Variants in SLC25A31 observed in about 807,000 individuals in gnomAD.
SLC25A31 encodes ADP/ATP translocase 4.
Under a neutral mutation model 36.2 loss-of-function variants are expected in SLC25A31, and 40 were observed. That is an observed-to-expected ratio of 1.10 (90% CI 0.86 to 1.44). The LOEUF (loss-of-function observed/expected upper bound fraction) is 1.44. SLC25A31 is among the 40% of genes most tolerant of loss of function. SLC25A31 has a pLI of 0.00. For missense variants in SLC25A31, 350 were observed against 397.1 expected (o/e 0.88, Z 1.01); for synonymous variants, 143 against 149.7 (o/e 0.96, Z 0.32).
At chr4:127,754,525 T>G (rs775258679) in intron 2 of SLC25A31, among the ~76,000 whole-genome samples, 1 of 114,002 alleles carries the variant, frequency 8.8e-6, no homozygotes, top group African/African-American at 3.1e-5. Flanking sequence ...AGAATAACAT[T>G]TACAATAGCT....
At chr4:127,743,431 T>C (rs1235428058) in intron 1 of SLC25A31, among the ~76,000 whole-genome samples, 1 of 152,236 alleles carries the variant, frequency 6.6e-6, no homozygotes, top group Non-Finnish European at 1.5e-5. Context: ...CCACTGCACC[T>C]AGCCTAGTTT....
At chr4:127,740,231 T>C (rs1017326356) in intron 1 of SLC25A31, among the ~76,000 whole-genome samples, 2 of 152,160 alleles carry the variant, frequency 1.3e-5, no homozygotes, top group Admixed American at 6.5e-5. Flanking sequence ...GTAGGATTTT[T>C]TTTCTTTTTC....
chr4:127,743,127 T>A (rs1731761624), intron 1 of SLC25A31, among the ~76,000 whole-genome samples: 1 of 150,056 alleles, frequency 6.7e-6, no homozygotes, highest in Admixed American at 6.6e-5. Flanking sequence ...TCTTTTTTCT[T>A]TTCTTTTTTT....
intron 2 of SLC25A31, 37 bp from the exon 3 acceptor site, chr4:127,764,206 G>A: frequency 2.0e-6 from 3 of 1,537,646 alleles, no homozygotes; most frequent in Admixed American, 1.7e-5. Context: ...GTTAGATTCT[G>A]TGGTTTAATA....
In SLC25A31 at chr4:127,730,499, G is replaced by A. The variant is rs149482591; in HGVS notation, c.-47G>A. The A allele has an allele frequency of 5.3e-5, 83 of 1,579,710 alleles. No individual in the cohort carries two copies. The African/African-American group carries it at 9.6e-4, about 18-fold the overall frequency. On this transcript the variant is annotated 5_prime_UTR_variant, in exon 1 of 6. Transcript: ENST00000281154. The stretch of plus-strand genomic sequence containing the variant: ...TCCGCTTCCCTTCATCGTAGCTCCC[G>A]TACTCATTTTTAGCCACTGCTGCCG...
intron 1 of SLC25A31, among the ~76,000 whole-genome samples, chr4:127,741,398 T>TA (rs1467455327): frequency 1.3e-5 from 2 of 152,232 alleles, no homozygotes; most frequent in Non-Finnish European, 2.9e-5. Flanking sequence ...ATTGCTTCTA[T>TA]ACCTAATTTG....
chr4:127,747,644 G>C (rs376619696), intron 2 of SLC25A31, among the ~76,000 whole-genome samples: 1 of 152,120 alleles, frequency 6.6e-6, no homozygotes, highest in East Asian at 1.9e-4. Context: ...TTTATTATGA[G>C]GTTTAGATGA....
rs566338397 is a variant in SLC25A31 at position 127,754,079 on chromosome 4, A to G, written c.360+9280A>G. On this transcript the variant is annotated intron_variant, in intron 2 of 5. Transcript: ENST00000281154. ...TAGCAGCATCTGAGTAGATGTCAGA[A>G]AAAGCATTTTACAAAGTTCATTCTT... Among the ~76,000 whole-genome samples, 23 of 152,296 alleles carry G rather than the reference A, an allele frequency of 1.5e-4. No homozygotes were observed. In the South Asian group the frequency reaches 3.9e-3, roughly 26 times the overall value.
intron 2 of SLC25A31, among the ~76,000 whole-genome samples, chr4:127,757,508 G>A (rs1174295687): frequency 6.6e-6 from 1 of 152,134 alleles, no homozygotes; most frequent in Non-Finnish European, 1.5e-5. Flanking sequence ...TGGTGTATAT[G>A]TACCACATTT....
intron 2 of SLC25A31, among the ~76,000 whole-genome samples, chr4:127,752,431 A>C (rs554247497): frequency 3.4e-5 from 5 of 144,942 alleles, no homozygotes; most frequent in Admixed American, 6.8e-5. Flanking sequence ...GGGTAGGGGG[A>C]GGGGGGAGGA....
At chr4:127,766,188 G>C (rs1332767217) in intron 3 of SLC25A31, among the ~76,000 whole-genome samples, 1 of 119,686 alleles carries the variant, frequency 8.4e-6, no homozygotes, top group Non-Finnish European at 1.7e-5. Context: ...TTTTTGTTTT[G>C]AGACAGTCTT....
intron 2 of SLC25A31, among the ~76,000 whole-genome samples, chr4:127,746,190 C>G (rs1398653101): frequency 1.3e-5 from 2 of 152,158 alleles, no homozygotes; most frequent in African/African-American, 4.8e-5. Context: ...ACCACATTTT[C>G]TTTATCCAAT....
At chr4:127,764,725 C>G (rs1485605751) in intron 3 of SLC25A31, among the ~76,000 whole-genome samples, 2 of 152,108 alleles carry the variant, frequency 1.3e-5, no homozygotes, top group East Asian at 3.8e-4. Flanking sequence ...TTGCCTCTAT[C>G]CTTACTTAAA....
In SLC25A31 at chr4:127,744,904, T is replaced by C. The variant is rs1177918761; in HGVS notation, c.360+105T>C. The C allele has an allele frequency of 1.8e-5, 16 of 891,878 alleles. No individual in the cohort carries two copies. The Admixed American group carries it at 5.5e-4, about 31-fold the overall frequency. The allele number at this position is 891,878 out of a possible 1,614,324, so 55.2% of individuals were successfully genotyped here. On this transcript the variant is annotated intron_variant, in intron 2 of 5. Coordinates refer to ENST00000281154, the MANE Select transcript of SLC25A31 (RefSeq NM_031291.4). ...ATATTTCACTATCTCTAAAATTTTC[T>C]TTAAAATGGTTAGATTTGTCTTAAC...
intron 1 of SLC25A31, among the ~76,000 whole-genome samples, chr4:127,738,473 A>C (rs1429731994): frequency 1.3e-5 from 2 of 152,154 alleles, no homozygotes; most frequent in East Asian, 1.9e-4. Flanking sequence ...TGGTCAGAGT[A>C]TGGTTGATAT....
chr4:127,749,355 A>G lies in SLC25A31; in HGVS notation c.360+4556A>G, dbSNP rs539684389. On this transcript the variant is annotated intron_variant, in intron 2 of 5. Transcript: ENST00000281154. ...GGGAAGAAAGCTTATTTTTAAAAAT[A>G]TTGTCTGAAAATTTCCCAAATCTTT... Among the ~76,000 whole-genome samples the G allele has an allele frequency of 3.3e-5, 5 of 152,282 alleles. No homozygotes were observed. In the East Asian group the frequency reaches 7.7e-4, roughly 23 times the overall value.
intron 4 of SLC25A31, among the ~76,000 whole-genome samples, chr4:127,767,993 G>A (rs944894385): frequency 6.6e-6 from 1 of 151,716 alleles, no homozygotes; most frequent in Non-Finnish European, 1.5e-5. Flanking sequence ...TTTGTTTAAA[G>A]ATAAATAGCC....
At chr4:127,742,940 C>A (rs1731757876) in intron 1 of SLC25A31, among the ~76,000 whole-genome samples, 1 of 151,884 alleles carries the variant, frequency 6.6e-6, no homozygotes, top group Admixed American at 6.6e-5. Flanking sequence ...TTTTCATTAT[C>A]TTCCTGTTCA....
intron 1 of SLC25A31, among the ~76,000 whole-genome samples, chr4:127,738,273 T>TAG (rs1731669907): frequency 6.6e-6 from 1 of 152,090 alleles, no homozygotes; most frequent in Non-Finnish European, 1.5e-5. Flanking sequence ...TGTATTTCAG[T>TAG]AGAGATGGGC....
Sources: allele counts gnomAD v4.1 joint callset (sites outside exome capture counted in the v4.1 genomes callset), GRCh38; gene constraint gnomAD v4.1.1; transcripts MANE v1.5; gene names NCBI Gene and HGNC (gene_info 2026-07-23, HGNC 2026-07-21).